FHIT: variants seen among roughly 807,000 people sequenced by gnomAD.
FHIT encodes the protein fragile histidine triad diadenosine triphosphatase, also known as bis(5'-adenosyl)-triphosphatase.
FHIT carries 19 observed loss-of-function variants against 17.9 expected under a neutral mutation model. The observed-to-expected ratio is 1.06, with a 90% CI of 0.74 to 1.56. The LOEUF (loss-of-function observed/expected upper bound fraction) is 1.56, where lower values mean the gene tolerates loss of function less well. FHIT is among the 40% of genes most tolerant of loss of function. The pLI, the probability that FHIT is intolerant of heterozygous loss-of-function variation, is 0.00. For missense variants in FHIT, 248 were observed against 189.2 expected, an observed-to-expected ratio of 1.31 and a Z score of -1.82; for synonymous variants, 81 against 69.7, an observed-to-expected ratio of 1.16 and a Z score of -0.81.
rs761237558 is a variant in FHIT at position 60,116,979 on chromosome 3, A to G, written c.104-102827T>C. ...GCACCATGGGTTAAAAAAATGATTT[A>G]AATACAGGAAATAATTGTTATTAAA... On this transcript the variant is annotated intron_variant, in intron 5 of 9. Coordinates refer to ENST00000492590, the MANE Select transcript of FHIT (RefSeq NM_002012.4). 6.9e-4 allele frequency among the ~76,000 whole-genome samples: 105 copies of G among 152,208 alleles called. 4 individuals are homozygous for G. Among genetic ancestry groups the G allele is most frequent in the Non-Finnish European group, 2.4e-4 (16 of 68,034 alleles).
At chr3:61,172,376 A>C (rs965027356) in intron 2 of FHIT, among the ~76,000 whole-genome samples, 4 of 152,204 alleles carry the variant, frequency 2.6e-5, no homozygotes, top group African/African-American at 9.7e-5. Flanking sequence ...CTTATTATTC[A>C]TGTAAGGAAA....
chr3:60,837,428 G>T (rs1702576409), intron 3 of FHIT, among the ~76,000 whole-genome samples: 1 of 152,024 alleles, frequency 6.6e-6, no homozygotes, highest in Non-Finnish European at 1.5e-5. Flanking sequence ...AGCTACTCTT[G>T]TTTTCCTTTG....
chr3:59,834,647 A>G (rs560103797), intron 8 of FHIT, among the ~76,000 whole-genome samples: 1 of 152,238 alleles, frequency 6.6e-6, no homozygotes, highest in Admixed American at 6.5e-5. Flanking sequence ...GCTCTCTGAC[A>G]TCTTCTTATA....
chr3:60,483,148 A>G (rs1331101735), intron 5 of FHIT, among the ~76,000 whole-genome samples: 1 of 152,192 alleles, frequency 6.6e-6, no homozygotes, highest in South Asian at 2.1e-4. Context: ...GAATCCTTGA[A>G]CAGACCAATA....
At chr3:60,536,106 A>C (rs2107597828) in intron 5 of FHIT, 1 of 152,326 alleles carries the variant, frequency 6.6e-6, no homozygotes, top group African/African-American at 2.4e-5. Context: ...CAAAATTCAT[A>C]TGCACACAAT....
In FHIT at chr3:59,781,682, T is replaced by C. The variant is rs1372656958; in HGVS notation, c.349-29361A>G. ...CTAATGCATTTTAGTGATATTTTCATTGTGCAACATTAATTACCAATGTCA... is the reference window on the plus strand; with the variant it reads ...CTAATGCATTTTAGTGATATTTTCACTGTGCAACATTAATTACCAATGTCA... On this transcript the variant is annotated intron_variant, in intron 8 of 9. Transcript: ENST00000492590. Among the ~76,000 whole-genome samples the C allele has an allele frequency of 2.0e-5, 3 of 152,380 alleles. No homozygotes were observed. In the East Asian group the frequency reaches 5.8e-4, roughly 29 times the overall value.
intron 4 of FHIT, among the ~76,000 whole-genome samples, chr3:60,701,285 G>A (rs1254791566): frequency 1.3e-5 from 2 of 152,030 alleles, no homozygotes; most frequent in Non-Finnish European, 2.9e-5. Context: ...CACTGTAATT[G>A]CCCAGTGGGT....
chr3:60,040,871 G>A (rs1464690249), intron 5 of FHIT, among the ~76,000 whole-genome samples: 1 of 152,038 alleles, frequency 6.6e-6, no homozygotes, highest in African/African-American at 2.4e-5. Context: ...TTAACATGGG[G>A]TGGCTGATCT....
Position 60,355,477 on chromosome 3 carries a change from G to GA in FHIT, c.103+181382dup, listed in dbSNP as rs530317300. Among the ~76,000 whole-genome samples, 19 of 140,228 alleles carry GA rather than the reference G, an allele frequency of 1.4e-4. 1 individual carries two copies. Among genetic ancestry groups the GA allele is most frequent in the Admixed American group, 1.4e-4 (2 of 14,058 alleles). 92.0% of individuals were successfully genotyped at this position (140,228 alleles called of 152,430 possible). ...TTACTAAACAGATGGCTTTATTTGA[G>GA]AAAAAAAAAAGCAAAGCAAGAAAAT... On this transcript the variant is annotated intron_variant, in intron 5 of 9. Coordinates refer to ENST00000492590, the MANE Select transcript of FHIT (RefSeq NM_002012.4).
intron 4 of FHIT, among the ~76,000 whole-genome samples, chr3:60,563,039 G>T (rs1415852955): frequency 6.6e-6 from 1 of 152,174 alleles, no homozygotes; most frequent in Non-Finnish European, 1.5e-5. Context: ...CTAGCCTTTG[G>T]AAGTTTTTAG....
intron 5 of FHIT, among the ~76,000 whole-genome samples, chr3:60,080,447 C>A (rs1365225744): frequency 3.3e-5 from 5 of 152,030 alleles, no homozygotes; most frequent in African/African-American, 7.2e-5. Flanking sequence ...CATATTAGAG[C>A]CTCGTAGCCC....
intron 5 of FHIT, among the ~76,000 whole-genome samples, chr3:60,118,768 G>A (rs1282834225): frequency 8.9e-6 from 1 of 112,940 alleles, no homozygotes; most frequent in East Asian, 2.8e-4. Flanking sequence ...GCTGAGGTGG[G>A]GGCGGCGGGG....
At chr3:59,823,971 T>G (rs982502601) in intron 8 of FHIT, among the ~76,000 whole-genome samples, 1 of 152,196 alleles carries the variant, frequency 6.6e-6, no homozygotes, top group African/African-American at 2.4e-5. Flanking sequence ...CCAAAAAGCT[T>G]CAGAACTGAT....
intron 5 of FHIT, among the ~76,000 whole-genome samples, chr3:60,091,880 G>C (rs1439983153): frequency 1.3e-5 from 2 of 152,062 alleles, no homozygotes; most frequent in Non-Finnish European, 2.9e-5. Context: ...ATGGCATACA[G>C]AACTGTGAGC....
chr3:60,624,312 T>G (rs552451497), intron 4 of FHIT, among the ~76,000 whole-genome samples: 1 of 152,186 alleles, frequency 6.6e-6, no homozygotes, highest in African/African-American at 2.4e-5. Flanking sequence ...GGGCTTCAAC[T>G]TGACAATGAT....
At position 60,160,922 on chromosome 3, in the gene FHIT, T is replaced by C. The variant is rs1700912205; in HGVS notation, c.104-146770A>G. Among the ~76,000 whole-genome samples the C allele has an allele frequency of 2.0e-5, 3 of 152,084 alleles. No homozygotes were observed. The South Asian group carries it at 6.2e-4, about 32-fold the overall frequency. On this transcript the variant is annotated intron_variant, in intron 5 of 9. Transcript: ENST00000492590. Reference sequence around the variant, plus strand: ...GACAATATGATCCTGATAATTTTCATTAAGAAATTTTTAACTTTATCCCAG... The same window carrying C: ...GACAATATGATCCTGATAATTTTCACTAAGAAATTTTTAACTTTATCCCAG...
chr3:60,568,773 G>C (rs993552116), intron 4 of FHIT, among the ~76,000 whole-genome samples: 8 of 151,990 alleles, frequency 5.3e-5, no homozygotes, highest in African/African-American at 1.2e-4. Flanking sequence ...TCTTAGTCAA[G>C]CTCATCTTTT....
At chr3:60,578,850 TTC>T (rs1156569627) in intron 4 of FHIT, among the ~76,000 whole-genome samples, 3 of 152,198 alleles carry the variant, frequency 2.0e-5, no homozygotes, top group African/African-American at 7.2e-5. Flanking sequence ...CCCAATTTTA[TTC>T]TTTTACTATT....
At chr3:61,018,675 T>C (rs992824201) in intron 3 of FHIT, among the ~76,000 whole-genome samples, 5 of 152,242 alleles carry the variant, frequency 3.3e-5, no homozygotes, top group African/African-American at 1.2e-4. Context: ...CTTTCCAGTA[T>C]ATTTCTCTTT....
Sources: gnomAD v4.1 joint callset for allele counts (sites outside exome capture counted in the v4.1 genomes callset) on GRCh38, gnomAD v4.1.1 for gene constraint, MANE v1.5 for transcripts, NCBI Gene and HGNC (gene_info 2026-07-23, HGNC 2026-07-21) for gene names.